The following RNF126 variants were observed in gnomAD, a reference collection of about 807,000 sequenced individuals.
RNF126 encodes the protein ring finger protein 126, also known as E3 ubiquitin-protein ligase RNF126.
In RNF126, 20 loss-of-function variants were observed where a neutral mutation model predicts 41.9. The ratio of observed to expected loss-of-function variants is 0.48; its 90% CI spans 0.34 to 0.69. The LOEUF (loss-of-function observed/expected upper bound fraction) is 0.69, where lower values mean the gene tolerates loss of function less well. RNF126 is among the 30% of genes least tolerant of loss of function. RNF126 has a pLI of 0.01. For synonymous variants in RNF126, 239 were observed against 202.9 expected (o/e 1.18, Z -1.51); for missense variants, 433 against 460.6 (o/e 0.94, Z 0.55).
intron 6 of RNF126, 159 bp downstream of exon 6, chr19:649,520 G>T (rs984364663): frequency 3.3e-6 from 2 of 606,218 alleles, no homozygotes; most frequent in Admixed American, 2.9e-5. Flanking sequence ...GCAGGAGGAA[G>T]GCCGGAGCTG....
chr19:662,968 C>T, intron 1 of RNF126, 79 bp downstream of exon 1: 2 of 623,120 alleles, frequency 3.2e-6, no homozygotes, highest in South Asian at 4.8e-5. Flanking sequence ...CGGGCGCAAG[C>T]GACCCCCACC....
At chr19:651,511 A>G (rs2030285662) in intron 4 of RNF126, 100 bp downstream of exon 4, 1 of 1,246,932 alleles carries the variant, frequency 8.0e-7, no homozygotes, top group South Asian at 1.9e-5. Flanking sequence ...GAGCCTATGG[A>G]TGATGCCACG....
chr19:660,415 C>A (rs1018095748), intron 1 of RNF126, among the ~76,000 whole-genome samples: 13 of 152,226 alleles, frequency 8.5e-5, no homozygotes, highest in African/African-American at 1.7e-4. Context: ...GGCAGCCAGT[C>A]CCCCCTGCGT....
rs2030348788 is a variant in RNF126 at position 652,312 on chromosome 19, A to G, written c.135-16T>C. The G allele has an allele frequency of 1.3e-6, 2 of 1,553,968 alleles. No individual in the cohort carries two copies. Among genetic ancestry groups the G allele is most frequent in the Middle Eastern group, 1.7e-4 (1 of 5,894 alleles). On this transcript the variant is annotated splice_polypyrimidine_tract_variant and intron_variant, in intron 2 of 8. Transcript: ENST00000292363. ...TTCTGTGCTCCTGGGGAGAGAGTGC[A>G]GGTCAGCAGTGCCGGCTACCCTGTG...
At chr19:657,476 G>A (rs764322460) in intron 1 of RNF126, among the ~76,000 whole-genome samples, 9 of 152,190 alleles carry the variant, frequency 5.9e-5, no homozygotes, top group Non-Finnish European at 1.2e-4. Flanking sequence ...TGCCCGCAGC[G>A]GCCGTGGGGC....
At position 648,507 on chromosome 19, in the gene RNF126, C is replaced by T. The variant is rs372094976; in HGVS notation, c.671-20G>A. On this transcript the variant is annotated intron_variant, in intron 7 of 8. Coordinates refer to ENST00000292363, the MANE Select transcript of RNF126 (RefSeq NM_194460.3). The stretch of plus-strand genomic sequence containing the variant: ...CGGAGCCTGCGGGAGTGTGCAGCTG[C>T]GGTCACAGCGGGCGTGGGGGGCCTG... 349 of 1,537,842 alleles carry T rather than the reference C, an allele frequency of 2.3e-4. No homozygotes were observed. The highest frequency in any genetic ancestry group is 2.8e-4 in the Non-Finnish European group (321 of 1,140,884).
chr19:649,062 CACCG>C, intron 6 of RNF126, 87 bp from the exon 7 acceptor site: 1 of 625,660 alleles, frequency 1.6e-6, no homozygotes, highest in Non-Finnish European at 2.4e-6. Context: ...CCTGCAAAAG[CACCG>C]AGGCCGCGTT....
intron 1 of RNF126, 46 bp downstream of exon 1, chr19:663,001 C>T: frequency 9.2e-7 from 1 of 1,082,114 alleles, no homozygotes; most frequent in Non-Finnish European, 1.2e-6. Flanking sequence ...TTGCCTCAGG[C>T]CTGCGGCGCA....
At chr19:650,659 C>G in intron 4 of RNF126, 1 of 157,978 alleles carries the variant, frequency 6.3e-6, no homozygotes, top group Non-Finnish European at 1.3e-5. Flanking sequence ...ATGGCACGAC[C>G]TCGGCTGACT....
chr19:659,795 G>A lies in RNF126; in HGVS notation c.75+3252C>T, dbSNP rs2030718205. On this transcript the variant is annotated intron_variant, in intron 1 of 8. Coordinates refer to ENST00000292363, the MANE Select transcript of RNF126 (RefSeq NM_194460.3). The surrounding 1 kb of genome is among the most constrained non-coding windows in gnomAD (Gnocchi z 4.9). ...TTTTTTTTTTTTTGGAAGGAGTCTT[G>A]CTCTGTCACCCAGGCTGGACTGCAG... Among the ~76,000 whole-genome samples the A allele has an allele frequency of 7.1e-6, 1 of 140,758 alleles. No individual in the cohort carries two copies. Among genetic ancestry groups the A allele is most frequent in the African/African-American group, 2.7e-5 (1 of 37,142 alleles). The allele number at this position is 140,758 out of a possible 152,430, so 92.3% of individuals were successfully genotyped here. A position where few individuals can be genotyped will look rare whatever the true frequency, so the allele number is the denominator to read the frequency against.
rs774984194 is a variant in RNF126, at chr19:651,628, G to A, written c.426C>T (p.Gly142=). The part of the protein sequence containing the change: ...TTRRATGRHE[G]VPTLEGIIQQ... Reference sequence around the variant, plus strand: ...CCCCTCACCCTTCCAGCGTGGGGACGCCTTCGTGCCGGCCGGTGGCCCGCC... The same window carrying A: ...CCCCTCACCCTTCCAGCGTGGGGACACCTTCGTGCCGGCCGGTGGCCCGCC... The change falls in exon 4 of 9, where the codon GGC becomes GGT. Residue 142 remains glycine, a synonymous_variant. Transcript: ENST00000292363. 9 of 1,448,826 alleles carry A rather than the reference G, an allele frequency of 6.2e-6. No homozygotes were observed. The highest frequency in any genetic ancestry group is 2.8e-5 in the Admixed American group (1 of 35,992). The allele number at this position is 1,448,826 out of a possible 1,614,324, so 89.7% of individuals were successfully genotyped here. A position where few individuals can be genotyped will look rare whatever the true frequency, so the allele number is the denominator to read the frequency against.
intron 1 of RNF126, among the ~76,000 whole-genome samples, chr19:653,828 C>A (rs554698028): frequency 6.6e-6 from 1 of 152,376 alleles, no homozygotes; most frequent in East Asian, 1.9e-4. Context: ...AATGGCCTCA[C>A]ACGGCACGTG....
chr19:661,174 C>T (rs928933821), intron 1 of RNF126, among the ~76,000 whole-genome samples: 1 of 152,350 alleles, frequency 6.6e-6, no homozygotes, highest in South Asian at 2.1e-4. Context: ...TCCAAGGCCA[C>T]GGGGCGAGGA....
rs1372610384 is a variant in RNF126 at position 659,798 on chromosome 19, C to T, written c.75+3249G>A. On this transcript the variant is annotated intron_variant, in intron 1 of 8. Coordinates refer to ENST00000292363, the MANE Select transcript of RNF126 (RefSeq NM_194460.3). The surrounding 1 kb of genome is among the most constrained non-coding windows in gnomAD (Gnocchi z 4.9). The stretch of plus-strand genomic sequence containing the variant: ...TTTTTTTTTTGGAAGGAGTCTTGCT[C>T]TGTCACCCAGGCTGGACTGCAGTGG... Among the ~76,000 whole-genome samples, 2 of 148,292 alleles carry T rather than the reference C, an allele frequency of 1.3e-5. No homozygotes were observed. The highest frequency in any genetic ancestry group is 3.0e-5 in the Non-Finnish European group (2 of 67,420).
In RNF126 at chr19:648,194, G is replaced by A. The variant is rs147803444; in HGVS notation, c.870C>T (p.Phe290=). ...TNPPGLTGVS[F]SSSSSSSSSS... is the part of the protein sequence containing the mutation. ...AGGAGGACGATGACGACGAGGAGGAGAAGCTCACCCCAGTGAGGCCAGGGG... is the reference window on the plus strand; with the variant it reads ...AGGAGGACGATGACGACGAGGAGGAAAAGCTCACCCCAGTGAGGCCAGGGG... Residue 290 remains phenylalanine, a synonymous_variant, in exon 9 of 9, where the codon TTC becomes TTT. Transcript: ENST00000292363. 174 of 1,607,480 alleles carry A rather than the reference G, an allele frequency of 1.1e-4. No homozygotes were observed. Among genetic ancestry groups the A allele is most frequent in the Non-Finnish European group, 1.4e-4 (165 of 1,176,634 alleles).
rs910397605 is a variant in RNF126, at chr19:647,580, C to G, written c.*548G>C. 4 of 166,530 alleles carry G rather than the reference C, an allele frequency of 2.4e-5. No individual in the cohort carries two copies. The highest frequency in any genetic ancestry group is 5.3e-5 in the Non-Finnish European group (4 of 76,076). 10.3% of individuals were successfully genotyped at this position (166,530 alleles called of 1,614,324 possible). A position where few individuals can be genotyped will look rare whatever the true frequency, so the allele number is the denominator to read the frequency against. ...GCTTTCAAGATACACATATTTTTTC[C>G]TTTAAAAAAGTCTGTTGGAGCAGTT... On this transcript the variant is annotated 3_prime_UTR_variant, in exon 9 of 9. Coordinates refer to ENST00000292363, the MANE Select transcript of RNF126 (RefSeq NM_194460.3).
At chr19:657,016 C>A (rs966951000) in intron 1 of RNF126, among the ~76,000 whole-genome samples, 1 of 152,164 alleles carries the variant, frequency 6.6e-6, no homozygotes, top group Non-Finnish European at 1.5e-5. Flanking sequence ...ATGGTGACTC[C>A]CCAGGCTAGC....
intron 1 of RNF126, among the ~76,000 whole-genome samples, chr19:658,579 C>T (rs1283020433): frequency 6.6e-6 from 1 of 152,176 alleles, no homozygotes; most frequent in African/African-American, 2.4e-5. Flanking sequence ...GAGGCACGGG[C>T]ACGTGCGGCG....
chr19:648,356 T>TGGGG lies in RNF126; in HGVS notation c.786+15_786+16insCCCC. On this transcript the variant is annotated intron_variant, in intron 8 of 8. Transcript: ENST00000292363. ...GCCGCGGTCGGGGTGGGGGGGCGGG[T>TGGGG]GGGCGGGGCACTCACCTGCTCCAGC... 7 of 174,864 alleles carry TGGGG rather than the reference T, an allele frequency of 4.0e-5. No individual in the cohort carries two copies. Among genetic ancestry groups the TGGGG allele is most frequent in the South Asian group, 2.2e-4 (4 of 18,200 alleles). 10.8% of individuals were successfully genotyped at this position (174,864 alleles called of 1,614,324 possible).
Sources: allele counts gnomAD v4.1 joint callset (sites outside exome capture counted in the v4.1 genomes callset), GRCh38; gene constraint gnomAD v4.1.1; non-coding constraint Gnocchi (gnomAD v3.1); transcripts MANE v1.5; gene names NCBI Gene and HGNC (gene_info 2026-07-23, HGNC 2026-07-21).